Variants in USH2A observed in about 807,000 individuals in gnomAD.
USH2A encodes the protein usherin, also known as Usher syndrome 2A (autosomal recessive, mild).
Under a neutral mutation model 538.9 loss-of-function variants are expected in USH2A, and 443 were observed. That is an observed-to-expected ratio of 0.82 (90% CI 0.76 to 0.89). USH2A has a LOEUF of 0.89. Among genes scored for constraint, USH2A ranks in the 40% least tolerant of loss-of-function variants. USH2A has a pLI of 0.00. For missense variants in USH2A, 6,633 were observed against 6,324.8 expected (o/e 1.05, Z -1.65); for synonymous variants, 2,413 against 2,273.5 (o/e 1.06, Z -1.75).
intron 21 of USH2A, chr1:216,175,009 A>T (rs2034345758): frequency 7.5e-7 from 1 of 1,339,776 alleles, no homozygotes; most frequent in African/African-American, 1.5e-5. Flanking sequence ...ACATACTTTG[A>T]TCCAATAAGG....
chr1:216,187,428 A>T (rs934473288), intron 20 of USH2A, among the ~76,000 whole-genome samples: 2 of 151,970 alleles, frequency 1.3e-5, no homozygotes, highest in African/African-American at 4.8e-5. Context: ...CTATATTGCA[A>T]CCAACAAATG....
chr1:215,766,662 A>G lies in USH2A; in HGVS notation c.11047+19T>C, dbSNP rs1391718440. ...ATGTGAAAATTTCTTCCCTCAAACC[A>G]TGGATATTGTTTCATTACCTTCAGG... On this transcript the variant is annotated intron_variant, in intron 56 of 71. Transcript: ENST00000307340. The G allele has an allele frequency of 2.5e-6, 4 of 1,607,806 alleles. No homozygotes were observed. Among genetic ancestry groups the G allele is most frequent in the Non-Finnish European group, 3.4e-6 (4 of 1,174,406 alleles).
chr1:216,414,205 A>T (rs968421647), intron 3 of USH2A, among the ~76,000 whole-genome samples: 1 of 151,976 alleles, frequency 6.6e-6, no homozygotes, highest in Non-Finnish European at 1.5e-5. Flanking sequence ...GTTTTAGTAT[A>T]AAAAATGACA....
At chr1:215,877,984 A>C in intron 42 of USH2A, 104 bp from the exon 43 acceptor site, 2 of 1,487,536 alleles carry the variant, frequency 1.3e-6, no homozygotes, top group Non-Finnish European at 9.3e-7. Flanking sequence ...TATGCGTGGA[A>C]GCATAAAGAA....
At chr1:215,644,202 G>A (rs1316148145) in intron 67 of USH2A, among the ~76,000 whole-genome samples, 1 of 152,218 alleles carries the variant, frequency 6.6e-6, no homozygotes, top group Non-Finnish European at 1.5e-5. Context: ...TGTGCCCAGT[G>A]CTGGAGATGA....
intron 3 of USH2A, among the ~76,000 whole-genome samples, chr1:216,385,475 C>T (rs2038988989): frequency 6.6e-6 from 1 of 152,068 alleles, no homozygotes; most frequent in African/African-American, 2.4e-5. Context: ...GGAGAAGACA[C>T]ATAACTGAAG....
chr1:215,713,948 T>G (rs1659410700), intron 61 of USH2A, among the ~76,000 whole-genome samples: 2 of 152,240 alleles, frequency 1.3e-5, no homozygotes, highest in Non-Finnish European at 2.9e-5. Flanking sequence ...ACCTTGGGTA[T>G]GCTACTTAAC....
chr1:216,294,029 C>A (rs985000324), intron 9 of USH2A, among the ~76,000 whole-genome samples: 2 of 152,030 alleles, frequency 1.3e-5, no homozygotes, highest in Non-Finnish European at 2.9e-5. Flanking sequence ...GAGAGAACTG[C>A]CTGTATAACT....
intron 29 of USH2A, 134 bp from the exon 30 acceptor site, chr1:216,070,426 T>G (rs2031520666): frequency 3.5e-6 from 3 of 848,110 alleles, no homozygotes; most frequent in Non-Finnish European, 3.8e-6. Context: ...GAGTTGTAAC[T>G]TTTCAGCATT....
At chr1:216,329,552 T>C (rs944407419) in intron 4 of USH2A, among the ~76,000 whole-genome samples, 3 of 152,138 alleles carry the variant, frequency 2.0e-5, no homozygotes, top group African/African-American at 7.2e-5. Context: ...CCGTTTTTTC[T>C]TTACCTTCAA....
At chr1:215,633,160 A>G (rs182573632) in intron 70 of USH2A, among the ~76,000 whole-genome samples, 35 of 152,320 alleles carry the variant, frequency 2.3e-4, no homozygotes, top group Middle Eastern at 6.8e-3. Flanking sequence ...GATGTGAATG[A>G]AGCAAGAGTG....
At chr1:216,238,391 A>G (rs183085301) in intron 13 of USH2A, among the ~76,000 whole-genome samples, 1 of 152,156 alleles carries the variant, frequency 6.6e-6, no homozygotes. Flanking sequence ...CTACTGCTGA[A>G]CATTATAAGG....
chr1:215,808,107 C>T (rs1292109798), intron 49 of USH2A, among the ~76,000 whole-genome samples: 1 of 152,108 alleles, frequency 6.6e-6, no homozygotes, highest in Non-Finnish European at 1.5e-5. Flanking sequence ...GGAAACACTA[C>T]ACAAAACTTA....
Position 215,817,153 on chromosome 1 carries a change from G to C in USH2A, c.9414C>G (p.Gly3138=). 1 of 1,612,624 alleles carries C rather than the reference G, an allele frequency of 6.2e-7. No homozygotes were observed. The highest frequency in any genetic ancestry group is 1.3e-5 in the African/African-American group (1 of 74,916). ...ATAGGAGATCATATCCAAGAATGAT[G>C]CCATTTGGCTTCCGTGGAGACACCC... ...IDWVSPRKPN[G]IILGYDLLWK... is the part of the protein sequence containing the mutation. The change falls in exon 48 of 72, where the codon GGC becomes GGG. Residue 3138 remains glycine (G), a synonymous_variant. Coordinates refer to ENST00000307340, the MANE Select transcript of USH2A (RefSeq NM_206933.4).
intron 32 of USH2A, among the ~76,000 whole-genome samples, chr1:216,019,470 T>G (rs964753396): frequency 1.3e-5 from 2 of 152,198 alleles, no homozygotes. Flanking sequence ...GAGCTTTGTT[T>G]AGTCTTTGTT....
intron 58 of USH2A, among the ~76,000 whole-genome samples, chr1:215,747,375 A>T (rs1353626626): frequency 2.6e-5 from 4 of 152,224 alleles, no homozygotes; most frequent in Non-Finnish European, 5.9e-5. Flanking sequence ...TATGGTGAAT[A>T]CACATAATAG....
At chr1:216,199,568 A>G in intron 17 of USH2A, 59 bp downstream of exon 17, 4 of 1,611,784 alleles carry the variant, frequency 2.5e-6, no homozygotes, top group Non-Finnish European at 3.4e-6. Context: ...TTGCACAATT[A>G]CAATAGATTC....
chr1:215,954,302 T>C (rs1667004959), intron 37 of USH2A, among the ~76,000 whole-genome samples: 1 of 151,986 alleles, frequency 6.6e-6, no homozygotes, highest in Non-Finnish European at 1.5e-5. Flanking sequence ...TAGCAAAGAC[T>C]TGGAACCAAC....
chr1:215,960,286 A>T (rs1300735176), intron 37 of USH2A, among the ~76,000 whole-genome samples: 3 of 152,180 alleles, frequency 2.0e-5, no homozygotes, highest in Non-Finnish European at 4.4e-5. Flanking sequence ...ATAGTTTTAC[A>T]TAAGCCAGGT....
Sources: gnomAD v4.1 joint callset for allele counts (sites outside exome capture counted in the v4.1 genomes callset) on GRCh38, gnomAD v4.1.1 for gene constraint, MANE v1.5 for transcripts, NCBI Gene and HGNC (gene_info 2026-07-23, HGNC 2026-07-21) for gene names.